The following CDH13 variants were observed in gnomAD, a reference collection of about 807,000 sequenced individuals.
CDH13 encodes cadherin-13.
Under a neutral mutation model 63.8 loss-of-function variants are expected in CDH13, and 24 were observed. The ratio of observed to expected loss-of-function variants is 0.38; its 90% CI spans 0.27 to 0.53. The LOEUF (loss-of-function observed/expected upper bound fraction) is 0.53. Ranked by LOEUF, CDH13 falls within the 20% of genes least tolerant of loss-of-function variation. CDH13 has a pLI of 0.85. For synonymous variants in CDH13, 503 were observed against 355.3 expected, an observed-to-expected ratio of 1.42 and a Z score of -4.67; for missense variants, 1,049 against 903.1, an observed-to-expected ratio of 1.16 and a Z score of -2.07.
At chr16:82,809,309 C>A (rs941919553) in intron 1 of CDH13, among the ~76,000 whole-genome samples, 1 of 14,196 alleles carries the variant, frequency 7.0e-5, no homozygotes, top group Non-Finnish European at 1.8e-4. Flanking sequence ...AAGTTATTTA[C>A]GTCCAAAAAA....
At chr16:82,659,010 C>A (rs539498721) in intron 1 of CDH13, among the ~76,000 whole-genome samples, 1 of 152,192 alleles carries the variant, frequency 6.6e-6, no homozygotes, top group African/African-American at 2.4e-5. Flanking sequence ...CCCTCCTGGC[C>A]ATCATCCCAG....
intron 3 of CDH13, among the ~76,000 whole-genome samples, chr16:83,064,448 G>C (rs1260650139): frequency 6.6e-6 from 1 of 152,140 alleles, no homozygotes; most frequent in African/African-American, 2.4e-5. Context: ...GAAATGTAAT[G>C]TGAGCCAGAA....
At chr16:83,330,857 C>T (rs893807376) in intron 5 of CDH13, among the ~76,000 whole-genome samples, 1 of 152,198 alleles carries the variant, frequency 6.6e-6, no homozygotes, top group African/African-American at 2.4e-5. Flanking sequence ...GCAGCATCAG[C>T]AACATGCAAA....
chr16:83,343,481 G>A (rs1430641883), intron 5 of CDH13, among the ~76,000 whole-genome samples: 4 of 152,162 alleles, frequency 2.6e-5, no homozygotes, highest in Non-Finnish European at 5.9e-5. Flanking sequence ...ATAGGATCAG[G>A]AGTGGTATAA....
At chr16:83,507,902 G>C (rs1436827662) in intron 7 of CDH13, among the ~76,000 whole-genome samples, 1 of 151,282 alleles carries the variant, frequency 6.6e-6, no homozygotes, top group Admixed American at 6.6e-5. Context: ...CGTGGTGGCG[G>C]GCGCCTGTAA....
At chr16:83,288,920 A>G (rs1350042351) in intron 5 of CDH13, among the ~76,000 whole-genome samples, 1 of 152,238 alleles carries the variant, frequency 6.6e-6, no homozygotes, top group African/African-American at 2.4e-5. Context: ...CTGGATTTGC[A>G]TAATGGAGAT....
chr16:83,499,772 A>G (rs1457356624), intron 7 of CDH13, among the ~76,000 whole-genome samples: 1 of 150,886 alleles, frequency 6.6e-6, no homozygotes, highest in African/African-American at 2.4e-5. Context: ...CAGTGGCCAC[A>G]TGTTATTTTT....
chr16:82,795,756 A>G (rs2036549943), intron 1 of CDH13, among the ~76,000 whole-genome samples: 1 of 152,036 alleles, frequency 6.6e-6, no homozygotes, highest in African/African-American at 2.4e-5. Flanking sequence ...ACCAGGAAGA[A>G]AACAATGGCT....
chr16:83,710,993 G>T (rs1907954570), intron 10 of CDH13, among the ~76,000 whole-genome samples: 1 of 152,156 alleles, frequency 6.6e-6, no homozygotes, highest in Non-Finnish European at 1.5e-5. Context: ...GACTCAACCT[G>T]GGGAAGCCCC....
intron 8 of CDH13, among the ~76,000 whole-genome samples, chr16:83,649,912 G>C (rs1442398247): frequency 1.3e-5 from 2 of 152,190 alleles, no homozygotes; most frequent in African/African-American, 4.8e-5. Context: ...CTGGTCCAAA[G>C]CCCACACTTT....
At chr16:83,197,620 AG>A (rs2151762146) in intron 4 of CDH13, among the ~76,000 whole-genome samples, 1 of 152,298 alleles carries the variant, frequency 6.6e-6, no homozygotes, top group Non-Finnish European at 1.5e-5. Flanking sequence ...GTGAGGGAAG[AG>A]GCAGTCTCTG....
chr16:83,287,209 T>G (rs1182957948), intron 5 of CDH13, among the ~76,000 whole-genome samples: 1 of 152,176 alleles, frequency 6.6e-6, no homozygotes, highest in Admixed American at 6.5e-5. Flanking sequence ...AGATATCCAG[T>G]AGGACCTGAT....
chr16:83,508,987 G>T (rs1007798712), intron 7 of CDH13, among the ~76,000 whole-genome samples: 2 of 152,138 alleles, frequency 1.3e-5, no homozygotes, highest in African/African-American at 4.8e-5. Flanking sequence ...TCACAGCTCT[G>T]TGTGCATGAG....
At chr16:82,748,724 C>T (rs868809628) in intron 1 of CDH13, among the ~76,000 whole-genome samples, 3 of 152,160 alleles carry the variant, frequency 2.0e-5, no homozygotes, top group African/African-American at 2.4e-5. Context: ...CTGGGGTACA[C>T]GTAGAAGCCC....
intron 1 of CDH13, among the ~76,000 whole-genome samples, chr16:82,792,378 G>C (rs566954479): frequency 6.6e-6 from 1 of 152,238 alleles, no homozygotes; most frequent in South Asian, 2.1e-4. Context: ...GGGTGTGTGT[G>C]TGGGGCGTCA....
intron 6 of CDH13, among the ~76,000 whole-genome samples, chr16:83,483,377 G>T (rs767441182): frequency 6.6e-6 from 1 of 151,856 alleles, no homozygotes; most frequent in Non-Finnish European, 1.5e-5. Flanking sequence ...GGATAATTTT[G>T]TGTTACATCA....
At chr16:83,031,775 G>A (rs1166073376) in intron 2 of CDH13, among the ~76,000 whole-genome samples, 2 of 152,112 alleles carry the variant, frequency 1.3e-5, no homozygotes, top group East Asian at 3.9e-4. Context: ...TGCACACTCA[G>A]AGCTTAGCAC....
In CDH13 at chr16:82,921,060, C is replaced by A. The variant is rs1176312676; in HGVS notation, c.157+62587C>A. Among the ~76,000 whole-genome samples the A allele has an allele frequency of 2.0e-4, 30 of 152,112 alleles. 1 individual carries two copies. Among genetic ancestry groups the A allele is most frequent in the Admixed American group, 1.6e-3 (25 of 15,268 alleles). On this transcript the variant is annotated intron_variant, in intron 2 of 13. Transcript: ENST00000567109. ...AATTGATTCTTGAATATTAAACCAA[C>A]CTTGCATACCTTTAATAAAGCCTAG...
intron 1 of CDH13, among the ~76,000 whole-genome samples, chr16:82,841,660 A>G (rs894180836): frequency 3.3e-5 from 5 of 151,062 alleles, no homozygotes; most frequent in East Asian, 3.9e-4. Flanking sequence ...TAACTCATAC[A>G]TAGTGTAACC....
Sources: allele counts gnomAD v4.1 joint callset (sites outside exome capture counted in the v4.1 genomes callset), GRCh38; gene constraint gnomAD v4.1.1; transcripts MANE v1.5; gene names NCBI Gene and HGNC (gene_info 2026-07-23, HGNC 2026-07-21).